Variants in NUP210L observed in about 807,000 individuals in gnomAD.
The protein encoded by NUP210L is nucleoporin 210 like.
Under a neutral mutation model 208.5 loss-of-function variants are expected in NUP210L, and 74 were observed. The ratio of observed to expected loss-of-function variants is 0.35; its 90% CI spans 0.29 to 0.43. The LOEUF (loss-of-function observed/expected upper bound fraction) is 0.43, where lower values mean the gene tolerates loss of function less well. Among genes scored for constraint, NUP210L ranks in the 20% least tolerant of loss-of-function variants. The pLI, the probability that NUP210L is intolerant of heterozygous loss-of-function variation, is 1.00. For missense variants in NUP210L, 1,843 were observed against 2,289.4 expected (o/e 0.81, Z 3.98); for synonymous variants, 780 against 816.9 (o/e 0.95, Z 0.77).
At chr1:154,000,463 G>C (rs1319553613) in intron 37 of NUP210L, among the ~76,000 whole-genome samples, 1 of 152,132 alleles carries the variant, frequency 6.6e-6, no homozygotes, top group East Asian at 1.9e-4. Flanking sequence ...CGAATTGCAG[G>C]CATCACCACT....
chr1:154,083,483 G>A (rs1354295043), intron 16 of NUP210L, among the ~76,000 whole-genome samples: 3 of 152,112 alleles, frequency 2.0e-5, no homozygotes, highest in African/African-American at 7.2e-5. Context: ...TTGGTCAGAA[G>A]TTCTGGAGGC....
intron 16 of NUP210L, among the ~76,000 whole-genome samples, chr1:154,088,665 T>C (rs1158253318): frequency 6.6e-6 from 1 of 152,192 alleles, no homozygotes; most frequent in African/African-American, 2.4e-5. Context: ...CAGTATGGCA[T>C]AAATAACATG....
chr1:154,020,149 G>A (rs1020642500), intron 32 of NUP210L, among the ~76,000 whole-genome samples: 2 of 152,130 alleles, frequency 1.3e-5, no homozygotes, highest in Admixed American at 1.3e-4. Flanking sequence ...TCCAAAATAC[G>A]TATTAATGTT....
At chr1:153,994,936 C>T (rs940104440) in intron 38 of NUP210L, 140 bp downstream of exon 38, 15 of 533,174 alleles carry the variant, frequency 2.8e-5, no homozygotes, top group Non-Finnish European at 4.0e-5. Context: ...TGCTTGAACT[C>T]GGGCGGCAGA....
intron 10 of NUP210L, among the ~76,000 whole-genome samples, chr1:154,119,785 G>A (rs1485797796): frequency 6.6e-6 from 1 of 152,114 alleles, no homozygotes; most frequent in African/African-American, 2.4e-5. Context: ...TCTTAATCCA[G>A]TCTATCACTA....
chr1:154,076,665 A>G (rs116651633), intron 16 of NUP210L, among the ~76,000 whole-genome samples: 1,882 of 152,236 alleles, frequency 0.012, 16 homozygotes, highest in Non-Finnish European at 0.017. Context: ...GAGATTATCC[A>G]GTCTGATGAA....
chr1:154,066,200 A>G (rs748429621), intron 17 of NUP210L, among the ~76,000 whole-genome samples: 1 of 152,208 alleles, frequency 6.6e-6, no homozygotes, highest in Non-Finnish European at 1.5e-5. Flanking sequence ...ACACCCTAAC[A>G]TCACAATTGA....
chr1:154,058,523 T>A, intron 21 of NUP210L, 42 bp downstream of exon 21: 1 of 1,601,038 alleles, frequency 6.2e-7, no homozygotes, highest in Non-Finnish European at 8.5e-7. Flanking sequence ...GTAGTGAGAA[T>A]AAGTCTTGCT....
exon 32 of NUP210L, chr1:154,022,160 G>T (rs781203052): frequency 3.4e-5 from 55 of 1,613,828 alleles, no homozygotes; most frequent in Non-Finnish European, 4.3e-5. Context: ...TGAAGCAGAT[G>T]ATATCTCCAA....
chr1:154,057,165 G>T (rs1280465540), intron 22 of NUP210L, among the ~76,000 whole-genome samples: 1 of 151,978 alleles, frequency 6.6e-6, no homozygotes, highest in African/African-American at 2.4e-5. Flanking sequence ...TTTTTGTAGA[G>T]CCGGGGTCTC....
At chr1:154,029,174 C>T (rs575149854) in intron 28 of NUP210L, among the ~76,000 whole-genome samples, 7 of 145,762 alleles carry the variant, frequency 4.8e-5, no homozygotes, top group East Asian at 2.1e-4. Flanking sequence ...GTCAGGAGAT[C>T]GAGACCATCC....
At chr1:154,025,501 C>T (rs1398086325) in intron 30 of NUP210L, 41 bp downstream of exon 30, 1 of 1,378,570 alleles carries the variant, frequency 7.3e-7, no homozygotes, top group Non-Finnish European at 9.6e-7. Context: ...CAGGGTATGA[C>T]TTTTATTTAT....
chr1:154,057,598 C>G (rs1379825557), intron 22 of NUP210L, among the ~76,000 whole-genome samples: 2 of 151,738 alleles, frequency 1.3e-5, no homozygotes, highest in Non-Finnish European at 2.9e-5. Flanking sequence ...TGAAGCACCC[C>G]CAAAAGATAT....
intron 36 of NUP210L, among the ~76,000 whole-genome samples, 180 bp downstream of exon 36, chr1:154,001,555 G>T (rs1227684576): frequency 6.6e-6 from 1 of 152,052 alleles, no homozygotes; most frequent in Non-Finnish European, 1.5e-5. Flanking sequence ...CTAGATTTTG[G>T]ACTCTGGGAG....
At chr1:154,102,288 A>C (rs993723287) in intron 13 of NUP210L, among the ~76,000 whole-genome samples, 1 of 152,224 alleles carries the variant, frequency 6.6e-6, no homozygotes, top group Non-Finnish European at 1.5e-5. Context: ...TGAATACCAA[A>C]CTAAAAGGAT....
chr1:154,055,187 CTT>C (rs869166431), intron 23 of NUP210L, among the ~76,000 whole-genome samples: 24 of 84,034 alleles, frequency 2.9e-4, no homozygotes, highest in African/African-American at 9.2e-4. Flanking sequence ...TTCTTTCTTT[CTT>C]TTTCTTTCTT....
chr1:154,017,515 C>A (rs200217425), intron 33 of NUP210L, among the ~76,000 whole-genome samples: 2 of 122,850 alleles, frequency 1.6e-5, no homozygotes, highest in African/African-American at 6.3e-5. Flanking sequence ...TTGTTTCTTT[C>A]TTTCTTTTTT....
chr1:154,012,892 G>T (rs912452068), intron 33 of NUP210L, among the ~76,000 whole-genome samples: 1 of 150,750 alleles, frequency 6.6e-6, no homozygotes, highest in African/African-American at 2.4e-5. Context: ...TGTGATCCCA[G>T]CTACTCAGGA....
chr1:154,023,290 G>A (rs547891208), exon 31 of NUP210L: 5 of 1,606,126 alleles, frequency 3.1e-6, no homozygotes, highest in African/African-American at 2.7e-5. Context: ...GTATGTCACC[G>A]GTGCTACCTG....
Sources: gnomAD v4.1 joint callset for allele counts (sites outside exome capture counted in the v4.1 genomes callset) on GRCh38, gnomAD v4.1.1 for gene constraint, MANE v1.5 for transcripts, NCBI Gene and HGNC (gene_info 2026-07-23, HGNC 2026-07-21) for gene names.